ATP9A: variants seen among roughly 807,000 people sequenced by gnomAD.
ATP9A encodes ATPase phospholipid transporting 9A, also known as probable phospholipid-transporting ATPase IIA.
ATP9A carries 52 observed loss-of-function variants against 144.1 expected under a neutral mutation model. The ratio of observed to expected loss-of-function variants is 0.36; its 90% CI spans 0.29 to 0.45. The LOEUF (loss-of-function observed/expected upper bound fraction) is 0.45. Ranked by LOEUF, ATP9A falls within the 20% of genes least tolerant of loss-of-function variation. ATP9A has a pLI of 1.00. For missense variants in ATP9A, 947 were observed against 1,392.7 expected (o/e 0.68, Z 5.09); for synonymous variants, 582 against 557.4 (o/e 1.04, Z -0.62).
chr20:51,607,848 A>G (rs1334068791), intron 25 of ATP9A, among the ~76,000 whole-genome samples: 1 of 152,070 alleles, frequency 6.6e-6, no homozygotes, highest in African/African-American at 2.4e-5. Context: ...GTTTGAGACC[A>G]GCCTGGCCAA....
At chr20:51,663,393 A>G (rs1269428779) in intron 13 of ATP9A, among the ~76,000 whole-genome samples, 1 of 151,830 alleles carries the variant, frequency 6.6e-6, no homozygotes, top group Non-Finnish European at 1.5e-5. Flanking sequence ...CGTATGATTT[A>G]TTTTTTCTGC....
intron 1 of ATP9A, among the ~76,000 whole-genome samples, chr20:51,756,859 G>A (rs141513543): frequency 2.7e-4 from 41 of 152,132 alleles, no homozygotes; most frequent in Admixed American, 5.2e-4. Context: ...AAGAACAATA[G>A]TCCAGACTAT....
At chr20:51,728,716 T>C (rs560767087) in intron 2 of ATP9A, among the ~76,000 whole-genome samples, 1 of 151,952 alleles carries the variant, frequency 6.6e-6, no homozygotes, top group South Asian at 2.1e-4. Flanking sequence ...CAATAAGCTC[T>C]GATCATGCCA....
intron 1 of ATP9A, among the ~76,000 whole-genome samples, chr20:51,751,778 C>T (rs1171504880): frequency 2.0e-5 from 3 of 151,992 alleles, no homozygotes; most frequent in African/African-American, 4.8e-5. Context: ...TTAGTAGAGA[C>T]GGGGTTTCAC....
intron 3 of ATP9A, among the ~76,000 whole-genome samples, chr20:51,718,261 C>T (rs1257666850): frequency 6.6e-6 from 1 of 151,708 alleles, no homozygotes; most frequent in Non-Finnish European, 1.5e-5. Context: ...TTATAGTATA[C>T]ATAAAATACA....
intron 4 of ATP9A, among the ~76,000 whole-genome samples, chr20:51,705,587 T>G (rs2077611409): frequency 6.6e-6 from 1 of 152,220 alleles, no homozygotes; most frequent in African/African-American, 2.4e-5. Context: ...CTGTTTGCAC[T>G]TCTTTCAAGG....
intron 6 of ATP9A, among the ~76,000 whole-genome samples, chr20:51,694,469 A>G (rs1401451955): frequency 3.3e-5 from 5 of 152,204 alleles, no homozygotes; most frequent in Admixed American, 2.0e-4. Context: ...CTGGCCAGGC[A>G]TCGCCAGCAC....
At chr20:51,648,202 T>C (rs547852073) in intron 14 of ATP9A, among the ~76,000 whole-genome samples, 2 of 152,270 alleles carry the variant, frequency 1.3e-5, no homozygotes, top group African/African-American at 4.8e-5. Flanking sequence ...ATACATCTTA[T>C]GGTTCACCAA....
At chr20:51,619,644 G>A (rs1299118774) in intron 19 of ATP9A, among the ~76,000 whole-genome samples, 5 of 150,876 alleles carry the variant, frequency 3.3e-5, no homozygotes, top group South Asian at 2.1e-4. Context: ...TGAGGTGGGC[G>A]GATCACCTGA....
Position 51,748,948 on chromosome 20 carries a change from T to TAGATAGATAGATAGATAGATAGACAGAC in ATP9A, c.69-18971_69-18970insGTCTGTCTATCTATCTATCTATCTATCT, listed in dbSNP as rs765791447. 8.8e-4 allele frequency among the ~76,000 whole-genome samples: 121 copies of TAGATAGATAGATAGATAGATAGACAGAC among 137,896 alleles called. 2 individuals carry two copies. The Middle Eastern group carries it at 0.011, about 12-fold the overall frequency. The allele number at this position is 137,896 out of a possible 152,430, so 90.5% of individuals were successfully genotyped here. A position where few individuals can be genotyped will look rare whatever the true frequency, so the allele number is the denominator to read the frequency against. On this transcript the variant is annotated intron_variant, in intron 1 of 27. Transcript: ENST00000338821. ...ATAGATAGATAGATAGATAGATAGA[T>TAGATAGATAGATAGATAGATAGACAGAC]AGACAGACAGACAGACAGACAGACA...
At position 51,689,155 on chromosome 20, in the gene ATP9A, C is replaced by T. The variant is rs773321590; in HGVS notation, c.724-16G>A. Reference sequence around the variant, plus strand: ...CGCTGTCTTCCTGGAAAAGACCAAACGGACACACGTTCACCCCCCAAAGCT... The same window carrying T: ...CGCTGTCTTCCTGGAAAAGACCAAATGGACACACGTTCACCCCCCAAAGCT... On this transcript the variant is annotated splice_polypyrimidine_tract_variant and intron_variant, in intron 8 of 27. Coordinates refer to ENST00000338821, the MANE Select transcript of ATP9A (RefSeq NM_006045.3). 2.7e-5 allele frequency: 43 copies of T among 1,613,028 alleles called. No homozygotes were observed. The highest frequency in any genetic ancestry group is 3.3e-4 in the Middle Eastern group (2 of 6,080).
chr20:51,705,072 C>A (rs1382524233), intron 4 of ATP9A, among the ~76,000 whole-genome samples: 1 of 152,192 alleles, frequency 6.6e-6, no homozygotes, highest in East Asian at 1.9e-4. Flanking sequence ...CATGTCTGGA[C>A]AGAGCTTATA....
At chr20:51,627,737 C>T (rs187040853) in intron 16 of ATP9A, 54 bp from the exon 17 acceptor site, 451 of 1,475,150 alleles carry the variant, frequency 3.1e-4, no homozygotes, top group Non-Finnish European at 4.0e-4. Flanking sequence ...CCTGACCTCA[C>T]TGGGGAAGGA....
At chr20:51,733,992 C>A (rs1007427118) in intron 1 of ATP9A, among the ~76,000 whole-genome samples, 3 of 151,768 alleles carry the variant, frequency 2.0e-5, no homozygotes, top group African/African-American at 7.3e-5. Context: ...TTTTTCTTTT[C>A]TTAAGATGGG....
chr20:51,687,292 G>A (rs2077527363), intron 9 of ATP9A, among the ~76,000 whole-genome samples: 1 of 152,124 alleles, frequency 6.6e-6, no homozygotes, highest in Non-Finnish European at 1.5e-5. Flanking sequence ...GAAAATAAAG[G>A]CAGGCAGTGG....
intron 9 of ATP9A, among the ~76,000 whole-genome samples, chr20:51,678,692 C>T (rs924409032): frequency 4.6e-5 from 7 of 152,212 alleles, no homozygotes; most frequent in African/African-American, 1.7e-4. Context: ...ACCGCTGCAT[C>T]CACTCCTATG....
intron 4 of ATP9A, among the ~76,000 whole-genome samples, chr20:51,712,091 G>A (rs1469522009): frequency 1.2e-3 from 73 of 63,362 alleles, no homozygotes; most frequent in African/African-American, 5.1e-3. Flanking sequence ...TTTTTTTTTT[G>A]AGATGGAGTC....
At chr20:51,658,888 C>CGGTGGGGCA (rs746874247) in intron 13 of ATP9A, among the ~76,000 whole-genome samples, 2 of 54,828 alleles carry the variant, frequency 3.6e-5, no homozygotes, top group African/African-American at 8.4e-5. Flanking sequence ...AGACCACTGG[C>CGGTGGGGCA]GGGGGGGGGG....
chr20:51,755,690 G>A lies in ATP9A; in HGVS notation c.68+12612C>T, dbSNP rs187593608. Among the ~76,000 whole-genome samples the A allele has an allele frequency of 3.7e-4, 57 of 152,178 alleles. No individual in the cohort carries two copies. In the East Asian group the frequency reaches 0.01, roughly 27 times the overall value. ...TCAAGAATGTTCATAGCAGCCGGGC[G>A]CGGTGGCTCACGCCTGTAATCCCAG... On this transcript the variant is annotated intron_variant, in intron 1 of 27. Coordinates refer to ENST00000338821, the MANE Select transcript of ATP9A (RefSeq NM_006045.3).
Sources: allele counts gnomAD v4.1 joint callset (sites outside exome capture counted in the v4.1 genomes callset), GRCh38; gene constraint gnomAD v4.1.1; transcripts MANE v1.5; gene names NCBI Gene and HGNC (gene_info 2026-07-23, HGNC 2026-07-21).